PDE6B: variants seen among roughly 807,000 people sequenced by gnomAD.
PDE6B encodes rod cGMP-specific 3',5'-cyclic phosphodiesterase subunit beta.
Under a neutral mutation model 109.0 loss-of-function variants are expected in PDE6B, and 106 were observed. The observed-to-expected ratio is 0.97, with a 90% CI of 0.83 to 1.14. PDE6B has a LOEUF of 1.14. Ranked by LOEUF, PDE6B falls within the 50% of genes most tolerant of loss-of-function variation. The pLI, the probability that PDE6B is intolerant of heterozygous loss-of-function variation, is 0.00. For missense variants in PDE6B, 1,193 were observed against 1,155.6 expected, an observed-to-expected ratio of 1.03 and a Z score of -0.47; for synonymous variants, 490 against 471.3, an observed-to-expected ratio of 1.04 and a Z score of -0.51.
At chr4:635,665 G>A (rs1734642351) in intron 2 of PDE6B, among the ~76,000 whole-genome samples, 2 of 152,114 alleles carry the variant, frequency 1.3e-5, no homozygotes, top group African/African-American at 4.8e-5. Context: ...CTGTGTGTCT[G>A]TGCACACCTG....
At position 656,942 on chromosome 4, in the gene PDE6B, G is replaced by A. The variant is rs1436453230; in HGVS notation, c.1176G>A (p.Lys392=). The change falls in exon 9 of 22, where the codon AAG becomes AAA. Residue 392 remains lysine, a synonymous_variant. Transcript: ENST00000496514. ...NVLSMPIVNK[K]EEIVGVATFY... is the part of the protein sequence containing the mutation. The stretch of plus-strand genomic sequence containing the variant: ...TGTCCATGCCCATCGTCAACAAGAA[G>A]GAGGAGATTGTGGGAGTCGCCACAT... The A allele has an allele frequency of 1.9e-6, 3 of 1,613,032 alleles. No individual in the cohort carries two copies. The Admixed American group carries it at 5.0e-5, about 27-fold the overall frequency.
At chr4:667,547 G>T (rs1737936792) in intron 20 of PDE6B, among the ~76,000 whole-genome samples, 9 of 152,164 alleles carry the variant, frequency 5.9e-5, no homozygotes, top group Admixed American at 5.9e-4. Flanking sequence ...GTCCGCCTGT[G>T]CCCACCACCC....
rs535779207 is a variant in PDE6B at position 633,508 on chromosome 4, G to A, written c.469-1169G>A. Among the ~76,000 whole-genome samples, 1 of 152,318 alleles carries A rather than the reference G, an allele frequency of 6.6e-6. No homozygotes were observed. Among genetic ancestry groups the A allele is most frequent in the Non-Finnish European group, 1.5e-5 (1 of 68,030 alleles). ...AACCTTGCTGCAGGGGAAGGGGGTG[G>A]AGGGGAGTTGCGAGGAGTCTGCCCT... is the stretch of plus-strand genomic sequence containing the variant. On this transcript the variant is annotated intron_variant, in intron 1 of 21. Transcript: ENST00000496514. This position sits in a 1 kb window ranked among gnomAD's most constrained non-coding sequence, Gnocchi z 4.5.
rs1450872485 is a variant in PDE6B at position 636,831 on chromosome 4, G to C, written c.711+862G>C. Among the ~76,000 whole-genome samples, 2 of 152,240 alleles carry C rather than the reference G, an allele frequency of 1.3e-5. No homozygotes were observed. The highest frequency in any genetic ancestry group is 2.9e-5 in the Non-Finnish European group (2 of 68,034). Reference sequence around the variant, plus strand: ...TGGCCCCAGGGCTGCCTCAGGGGCAGTCTGGAAAGGCGGTCAGGGCCCCTG... The same window carrying C: ...TGGCCCCAGGGCTGCCTCAGGGGCACTCTGGAAAGGCGGTCAGGGCCCCTG... On this transcript the variant is annotated intron_variant, in intron 3 of 21. Coordinates refer to ENST00000496514, the MANE Select transcript of PDE6B (RefSeq NM_000283.4). The surrounding 1 kb of genome is among the most constrained non-coding windows in gnomAD (Gnocchi z 4.5).
Position 648,529 on chromosome 4 carries a change from C to T in PDE6B, c.712-5323C>T, listed in dbSNP as rs1735323032. On this transcript the variant is annotated intron_variant, in intron 3 of 21. Transcript: ENST00000496514. The surrounding 1 kb of genome is among the most constrained non-coding windows in gnomAD (Gnocchi z 4.5). ...AGCAGCCTCTGGGCGCTCCCCCCTC[C>T]CTCTGTCCCGGGCCCTCACCTGGAC... Among the ~76,000 whole-genome samples, 1 of 152,218 alleles carries T rather than the reference C, an allele frequency of 6.6e-6. No individual in the cohort carries two copies. The highest frequency in any genetic ancestry group is 1.5e-5 in the Non-Finnish European group (1 of 68,032).
At chr4:635,202 T>A (rs1398995933) in intron 2 of PDE6B, among the ~76,000 whole-genome samples, 3 of 140,720 alleles carry the variant, frequency 2.1e-5, no homozygotes, top group Non-Finnish European at 4.6e-5. Context: ...CCTGCCCGCC[T>A]GCCCGCGTGT....
chr4:649,957 G>A (rs1735415970), intron 3 of PDE6B, among the ~76,000 whole-genome samples: 1 of 152,192 alleles, frequency 6.6e-6, no homozygotes, highest in South Asian at 2.1e-4. Flanking sequence ...ACACGGGGTG[G>A]CCACCGCTGT....
Position 654,900 on chromosome 4 carries a change from AT to A in PDE6B, c.992+16del. 6.9e-7 allele frequency: 1 copy of A among 1,452,212 alleles called. No individual in the cohort carries two copies. The highest frequency in any genetic ancestry group is 9.7e-7 in the Non-Finnish European group (1 of 1,032,522). The allele number at this position is 1,452,212 out of a possible 1,614,324, so 90.0% of individuals were successfully genotyped here. A position where few individuals can be genotyped will look rare whatever the true frequency, so the allele number is the denominator to read the frequency against. On this transcript the variant is annotated intron_variant, in intron 6 of 21. Coordinates refer to ENST00000496514, the MANE Select transcript of PDE6B (RefSeq NM_000283.4). ...ATCAAGGTCATTCCGTAAGTGCAGGATTTTACCAGAAGCGTCCCCGGGGGAG... is the reference window on the plus strand; with the variant it reads ...ATCAAGGTCATTCCGTAAGTGCAGGATTTACCAGAAGCGTCCCCGGGGGAG...
At chr4:643,905 TTTA>T (rs1390796702) in intron 3 of PDE6B, among the ~76,000 whole-genome samples, 1 of 150,952 alleles carries the variant, frequency 6.6e-6, no homozygotes, top group Non-Finnish European at 1.5e-5. Context: ...TTTATTCTTA[TTTA>T]GTTCAAAATC....
At chr4:645,127 G>A (rs1735136791) in intron 3 of PDE6B, among the ~76,000 whole-genome samples, 1 of 151,846 alleles carries the variant, frequency 6.6e-6, no homozygotes, top group African/African-American at 2.4e-5. Flanking sequence ...CAGTGTCTTT[G>A]GATTATTATT....
intron 21 of PDE6B, among the ~76,000 whole-genome samples, chr4:668,396 A>T (rs1249937065): frequency 6.6e-6 from 1 of 150,418 alleles, no homozygotes; most frequent in Non-Finnish European, 1.5e-5. Flanking sequence ...TTGGCTTGCT[A>T]TTCCCGCTGC....
At chr4:656,335 A>C in intron 8 of PDE6B, 43 bp downstream of exon 8, 2 of 1,269,552 alleles carry the variant, frequency 1.6e-6, no homozygotes, top group Non-Finnish European at 2.3e-6. Flanking sequence ...TACTTACAAA[A>C]GAGGAGATTT....
Position 660,478 on chromosome 4 carries a change from G to T in PDE6B, c.1479G>T (p.Leu493=). ...AATCCCTCCCACAGAAGGAGGAGCT[G>T]CCAGGGCCCACCACATTTGACATCT... The part of the protein sequence containing the change: ...DELGEILKEE[L]PGPTTFDIYE... Residue 493 remains leucine, a synonymous_variant, in exon 12 of 22, where the codon CTG becomes CTT. Coordinates refer to ENST00000496514, the MANE Select transcript of PDE6B (RefSeq NM_000283.4). 6.2e-7 allele frequency: 1 copy of T among 1,613,952 alleles called. No individual in the cohort carries two copies. The highest frequency in any genetic ancestry group is 8.5e-7 in the Non-Finnish European group (1 of 1,179,988).
chr4:645,356 C>T (rs372948460), intron 3 of PDE6B, among the ~76,000 whole-genome samples: 15 of 139,866 alleles, frequency 1.1e-4, no homozygotes, highest in African/African-American at 4.1e-4. Context: ...AGTGCAGTGG[C>T]GCGATCTCGG....
rs1456546093 is a variant in PDE6B, at chr4:657,490, T to C, written c.1397T>C (p.Ile466Thr). ...VKCDRDEIQL[I>T]LPTRARLGKE... ...TGCGACAGGGACGAGATCCAGCTCA[T>C]CCTGGTGCGGCGGGGCAGGACGTCC... is the stretch of plus-strand genomic sequence containing the variant. Residue 466 changes from isoleucine (I) to threonine (T), a missense_variant, in exon 10 of 22, where the codon ATC becomes ACC. Physicochemically the swap from Ile to Thr is moderately conservative, Grantham distance 89. Coordinates refer to ENST00000496514, the MANE Select transcript of PDE6B (RefSeq NM_000283.4). 2 of 1,612,744 alleles carry C rather than the reference T, an allele frequency of 1.2e-6. No individual in the cohort carries two copies. Among genetic ancestry groups the C allele is most frequent in the Non-Finnish European group, 1.7e-6 (2 of 1,179,530 alleles).
chr4:654,489 G>C, intron 5 of PDE6B: 1 of 585,572 alleles, frequency 1.7e-6, no homozygotes, highest in Non-Finnish European at 3.1e-6. Flanking sequence ...GTGAGAGTAC[G>C]GGCCCAGCTT....
intron 1 of PDE6B, among the ~76,000 whole-genome samples, chr4:627,645 G>C (rs1734177464): frequency 6.6e-6 from 1 of 151,752 alleles, no homozygotes; most frequent in Non-Finnish European, 1.5e-5. Flanking sequence ...GACACCAGCT[G>C]CTCCTCCCTC....
chr4:627,705 C>G (rs1734183899), intron 1 of PDE6B, among the ~76,000 whole-genome samples: 1 of 151,394 alleles, frequency 6.6e-6, no homozygotes. Context: ...ACCCTCCTCC[C>G]TCCTTTTCTG....
intron 2 of PDE6B, 151 bp from the exon 3 acceptor site, chr4:635,729 T>G: frequency 1.4e-6 from 1 of 698,736 alleles, no homozygotes; most frequent in Non-Finnish European, 2.6e-6. Flanking sequence ...CACCTGAGCT[T>G]GTGTGTGCCA....
Sources: allele counts gnomAD v4.1 joint callset (sites outside exome capture counted in the v4.1 genomes callset), GRCh38; gene constraint gnomAD v4.1.1; non-coding constraint Gnocchi (gnomAD v3.1); transcripts MANE v1.5; gene names NCBI Gene and HGNC (gene_info 2026-07-23, HGNC 2026-07-21).